The following HDAC9 variants were observed in gnomAD, a reference collection of about 807,000 sequenced individuals.
HDAC9 encodes the protein histone deacetylase 9.
HDAC9 carries 41 observed loss-of-function variants against 139.4 expected under a neutral mutation model. The ratio of observed to expected loss-of-function variants is 0.29; its 90% CI spans 0.23 to 0.38. The LOEUF (loss-of-function observed/expected upper bound fraction) is 0.38, where lower values mean the gene tolerates loss of function less well. Ranked by LOEUF, HDAC9 falls within the 10% of genes least tolerant of loss-of-function variation. The pLI is 1.00. For synonymous variants in HDAC9, 517 were observed against 476.2 expected (o/e 1.09, Z -1.12); for missense variants, 1,147 against 1,297.0 (o/e 0.88, Z 1.78).
At chr7:18,705,289 C>A (rs1022190109) in intron 12 of HDAC9, among the ~76,000 whole-genome samples, 1 of 152,080 alleles carries the variant, frequency 6.6e-6, no homozygotes, top group Non-Finnish European at 1.5e-5. Flanking sequence ...TAACAGCGTC[C>A]CTGACTCCTC....
intron 25 of HDAC9, among the ~76,000 whole-genome samples, chr7:18,985,310 A>C (rs1785252741): frequency 6.6e-6 from 1 of 152,048 alleles, no homozygotes; most frequent in Non-Finnish European, 1.5e-5. Flanking sequence ...ATGAGTGAGA[A>C]TATGCGGTGT....
At chr7:18,891,129 G>A (rs1172061903) in intron 22 of HDAC9, among the ~76,000 whole-genome samples, 1 of 152,146 alleles carries the variant, frequency 6.6e-6, no homozygotes, top group Non-Finnish European at 1.5e-5. Context: ...ACTATAAACA[G>A]TTTTCTCAGA....
intron 12 of HDAC9, among the ~76,000 whole-genome samples, chr7:18,674,249 A>G (rs968785457): frequency 6.6e-6 from 1 of 152,150 alleles, no homozygotes; most frequent in Non-Finnish European, 1.5e-5. Flanking sequence ...CCCCTTTTAC[A>G]TCAGTGTGAT....
chr7:18,901,740 ACTTAT>A (rs369222426), intron 22 of HDAC9, among the ~76,000 whole-genome samples: 62 of 152,316 alleles, frequency 4.1e-4, no homozygotes, highest in African/African-American at 1.1e-3. Flanking sequence ...TGTTTTCATA[ACTTAT>A]CTTATTTAAT....
chr7:18,156,607 A>C (rs532853057), intron 1 of HDAC9, among the ~76,000 whole-genome samples: 1 of 152,332 alleles, frequency 6.6e-6, no homozygotes, highest in East Asian at 1.9e-4. Flanking sequence ...GTACTCTACT[A>C]GGTGTGGGGG....
intron 6 of HDAC9, among the ~76,000 whole-genome samples, chr7:18,608,701 G>T (rs1026807347): frequency 6.6e-6 from 1 of 152,224 alleles, no homozygotes; most frequent in East Asian, 1.9e-4. Context: ...TATAATGCTT[G>T]TAACATCTTC....
At chr7:18,416,507 A>G (rs1789080058) in intron 1 of HDAC9, among the ~76,000 whole-genome samples, 1 of 151,918 alleles carries the variant, frequency 6.6e-6, no homozygotes, top group African/African-American at 2.4e-5. Context: ...CATTTTATAG[A>G]ATTTGCAAGT....
chr7:18,156,194 A>G (rs1787187879), intron 1 of HDAC9, among the ~76,000 whole-genome samples: 1 of 152,186 alleles, frequency 6.6e-6, no homozygotes, highest in Admixed American at 6.5e-5. Context: ...AAAAAGATGG[A>G]TGTCCTTGGG....
In HDAC9 at chr7:18,196,198, G is replaced by A. The variant is rs1364089003; in HGVS notation, c.25+33849G>A. Among the ~76,000 whole-genome samples, 11 of 152,156 alleles carry A rather than the reference G, an allele frequency of 7.2e-5. 1 individual carries two copies. The highest frequency in any genetic ancestry group is 1.6e-4 in the Non-Finnish European group (11 of 68,010). On this transcript the variant is annotated intron_variant, in intron 2 of 12. Transcript: ENST00000417496. ...GCTTTTCAGCCCAAGATAAATAGAA[G>A]GTGTACATTTGGAGCCAGTGGGGTA... is the stretch of plus-strand genomic sequence containing the variant.
intron 24 of HDAC9, among the ~76,000 whole-genome samples, chr7:18,963,506 T>C (rs1783659651): frequency 1.3e-5 from 2 of 151,914 alleles, no homozygotes; most frequent in South Asian, 2.1e-4. Context: ...CTAGGGAGAG[T>C]TGGCAGAAAT....
upstream of HDAC9, among the ~76,000 whole-genome samples, chr7:18,492,162 G>A (rs1017740666): frequency 2.0e-5 from 3 of 151,870 alleles, no homozygotes; most frequent in African/African-American, 4.8e-5. Context: ...TTAATATTTC[G>A]AGATTGTTAT....
At chr7:18,462,696 C>T (rs1586080891) in intron 1 of HDAC9, among the ~76,000 whole-genome samples, 1 of 151,992 alleles carries the variant, frequency 6.6e-6, no homozygotes, top group Admixed American at 6.6e-5. Context: ...TTCACAATGT[C>T]GTTTATAACT....
At chr7:18,106,785 C>A (rs922001193) in intron 1 of HDAC9, among the ~76,000 whole-genome samples, 1 of 152,126 alleles carries the variant, frequency 6.6e-6, no homozygotes, top group Non-Finnish European at 1.5e-5. Flanking sequence ...AAAAGTCCTT[C>A]CCACTCTCTT....
intron 2 of HDAC9, among the ~76,000 whole-genome samples, chr7:18,284,708 GGTT>G (rs1337938079): frequency 1.3e-5 from 2 of 151,924 alleles, no homozygotes; most frequent in Non-Finnish European, 2.9e-5. Context: ...TAACCTTTAG[GGTT>G]GTTGTGAGAA....
intron 1 of HDAC9, among the ~76,000 whole-genome samples, chr7:18,150,587 C>T (rs1053303366): frequency 2.6e-5 from 4 of 152,126 alleles, no homozygotes; most frequent in African/African-American, 9.7e-5. Flanking sequence ...TATTGTAAGG[C>T]TTTTGTCACA....
chr7:18,634,583 G>T, intron 7 of HDAC9, 44 bp from the exon 8 acceptor site: 2 of 1,200,928 alleles, frequency 1.7e-6, no homozygotes, highest in South Asian at 1.3e-5. Context: ...GTTCATCTAT[G>T]TATGTTCCTC....
At chr7:18,359,783 A>C (rs944533868) in intron 1 of HDAC9, among the ~76,000 whole-genome samples, 1 of 152,074 alleles carries the variant, frequency 6.6e-6, no homozygotes, top group Non-Finnish European at 1.5e-5. Context: ...TAACTTTTGT[A>C]TTTTTAGTAG....
intron 1 of HDAC9, among the ~76,000 whole-genome samples, chr7:18,090,760 C>G (rs916472298): frequency 3.9e-5 from 6 of 151,932 alleles, no homozygotes; most frequent in African/African-American, 1.5e-4. Flanking sequence ...CTTCTTTGGC[C>G]GAACTTACAG....
chr7:18,368,559 G>GA (rs201270475), intron 1 of HDAC9, among the ~76,000 whole-genome samples: 3 of 141,024 alleles, frequency 2.1e-5, no homozygotes, highest in Non-Finnish European at 3.1e-5. Flanking sequence ...TATTTTCTGG[G>GA]AAAAAAAACC....
Sources: gnomAD v4.1 joint callset for allele counts (sites outside exome capture counted in the v4.1 genomes callset) on GRCh38, gnomAD v4.1.1 for gene constraint, MANE v1.5 for transcripts, NCBI Gene and HGNC (gene_info 2026-07-23, HGNC 2026-07-21) for gene names.